STK3: variants seen among roughly 807,000 people sequenced by gnomAD.
STK3 encodes serine/threonine kinase 3.
Under a neutral mutation model 58.0 loss-of-function variants are expected in STK3, and 41 were observed. The ratio of observed to expected loss-of-function variants is 0.71; its 90% confidence interval spans 0.55 to 0.92. STK3 has a LOEUF of 0.92. Among genes scored for constraint, STK3 ranks in the 40% least tolerant of loss-of-function variants. The pLI is 0.00. For synonymous variants in STK3, 170 were observed against 191.0 expected (o/e 0.89, Z 0.91); for missense variants, 479 against 602.7 (o/e 0.79, Z 2.15).
chr8:98,693,348 T>C (rs539199716), intron 6 of STK3, among the ~76,000 whole-genome samples: 2 of 152,118 alleles, frequency 1.3e-5, no homozygotes, highest in Non-Finnish European at 2.9e-5. Context: ...CAATGAGCCA[T>C]GTTCACGCCA....
At chr8:98,585,693 G>A (rs932969134) in intron 7 of STK3, among the ~76,000 whole-genome samples, 1 of 151,774 alleles carries the variant, frequency 6.6e-6, no homozygotes, top group Non-Finnish European at 1.5e-5. Flanking sequence ...GGGCAGTATG[G>A]CCTTTTTCAC....
At chr8:98,776,225 A>G (rs1831667682) in intron 1 of STK3, among the ~76,000 whole-genome samples, 1 of 152,222 alleles carries the variant, frequency 6.6e-6, no homozygotes. Flanking sequence ...CTAAGTGTAA[A>G]CCTGCTGTGT....
chr8:98,735,067 C>G (rs1331280570), intron 4 of STK3, among the ~76,000 whole-genome samples: 3 of 152,046 alleles, frequency 2.0e-5, no homozygotes, highest in Non-Finnish European at 4.4e-5. Flanking sequence ...TGGTATATGA[C>G]CATATTTGTT....
chr8:98,934,512 A>G (rs189800686), intron 1 of STK3, among the ~76,000 whole-genome samples: 1 of 152,348 alleles, frequency 6.6e-6, no homozygotes. Context: ...AGGGGTTCCA[A>G]AGTAGAATCC....
At chr8:98,887,326 A>G (rs1395565358) in intron 1 of STK3, among the ~76,000 whole-genome samples, 1 of 152,212 alleles carries the variant, frequency 6.6e-6, no homozygotes, top group Non-Finnish European at 1.5e-5. Flanking sequence ...TTTGGAGTTC[A>G]GATTTTTTGA....
intron 6 of STK3, among the ~76,000 whole-genome samples, chr8:98,650,460 C>A (rs1025609192): frequency 6.6e-6 from 1 of 152,230 alleles, no homozygotes; most frequent in Admixed American, 6.5e-5. Flanking sequence ...ACCGGGTTCA[C>A]CTCACTAGGG....
Position 98,548,084 on chromosome 8 carries a change from C to T in STK3, c.1026G>A (p.Thr342=), listed in dbSNP as rs746197253. Residue 342 remains threonine, a synonymous_variant, in exon 9 of 11, where the codon ACG becomes ACA. Coordinates refer to ENST00000419617, the MANE Select transcript of STK3 (RefSeq NM_006281.4). ...TCATGGTCTGGGCCCCTTCACTCAT[C>T]GTGCTTGTGGCCCGCATGGTGCCCA... ...ESVGTMRATS[T]MSEGAQTMIE... is the part of the protein sequence containing the mutation. 2.2e-5 allele frequency: 36 copies of T among 1,609,164 alleles called. No homozygotes were observed. The highest frequency in any genetic ancestry group is 4.5e-5 in the East Asian group (2 of 44,530).
chr8:98,825,861 C>A (rs974042513), upstream of STK3, among the ~76,000 whole-genome samples: 3 of 71,480 alleles, frequency 4.2e-5, no homozygotes, highest in Admixed American at 1.4e-4. Context: ...CCCGGCCGCC[C>A]CGCCCCGCCC....
chr8:98,742,505 G>A (rs1829304021), intron 4 of STK3, among the ~76,000 whole-genome samples: 1 of 122,674 alleles, frequency 8.2e-6, no homozygotes, highest in Non-Finnish European at 1.7e-5. Context: ...AATAGATGCA[G>A]AAAAGGCCTT....
At chr8:98,597,273 C>G in intron 6 of STK3, 2 of 985,310 alleles carry the variant, frequency 2.0e-6, no homozygotes, top group Non-Finnish European at 2.4e-6. Context: ...AATGGACTTT[C>G]TGTGGACACA....
chr8:98,718,695 G>A (rs1827196692), intron 4 of STK3, among the ~76,000 whole-genome samples: 1 of 151,962 alleles, frequency 6.6e-6, no homozygotes, highest in South Asian at 2.1e-4. Context: ...TACATATTAT[G>A]TTATGATATT....
In STK3 at chr8:98,911,524, C is replaced by T. The variant is rs548359395; in HGVS notation, c.-78-27690G>A. ...TCTTGTGCCTCAGCCTCGCAAGTAG[C>T]TGGGTATTACAGGCACACGCCACCA... On this transcript the variant is annotated intron_variant, in intron 1 of 1. Coordinates refer to the STK3 transcript ENST00000519420. 2.6e-5 allele frequency among the ~76,000 whole-genome samples: 4 copies of T among 152,248 alleles called. No individual in the cohort carries two copies. The East Asian group carries it at 7.7e-4, about 29-fold the overall frequency.
At chr8:98,861,352 T>G in intron 3 of STK3, among the ~76,000 whole-genome samples, 1 of 138,042 alleles carries the variant, frequency 7.2e-6, no homozygotes, top group Admixed American at 7.1e-5. Context: ...GGATTTTTTT[T>G]TTTTTTTTTT....
chr8:98,589,682 C>T (rs536658285), intron 7 of STK3, among the ~76,000 whole-genome samples: 197 of 152,324 alleles, frequency 1.3e-3, no homozygotes, highest in South Asian at 2.5e-3. Flanking sequence ...CAATGGCGGG[C>T]GCCCCTCCCC....
upstream of STK3, among the ~76,000 whole-genome samples, chr8:98,389,805 AT>A (rs1817829375): frequency 6.6e-6 from 1 of 150,762 alleles, no homozygotes; most frequent in Non-Finnish European, 1.5e-5. Context: ...TTCTATTTGG[AT>A]TATGTGTTAG....
intron 6 of STK3, chr8:98,633,594 G>A (rs971206310): frequency 2.7e-6 from 2 of 744,958 alleles, no homozygotes; most frequent in African/African-American, 1.7e-5. Context: ...TCAGTCAGCA[G>A]TCTCAGTCCA....
chr8:98,569,442 C>T (rs1586886313), intron 8 of STK3, among the ~76,000 whole-genome samples: 2 of 151,148 alleles, frequency 1.3e-5, no homozygotes, highest in African/African-American at 2.4e-5. Flanking sequence ...GAATTAGTTC[C>T]GATTAGTAAA....
intron 1 of STK3, among the ~76,000 whole-genome samples, chr8:98,443,597 C>T (rs1012097249): frequency 1.3e-5 from 2 of 152,162 alleles, no homozygotes; most frequent in Non-Finnish European, 1.5e-5. Flanking sequence ...CCTCTATTCC[C>T]AGCACTTTGG....
chr8:98,845,031 T>C (rs1432992766), intron 3 of STK3, among the ~76,000 whole-genome samples: 5 of 152,218 alleles, frequency 3.3e-5, no homozygotes, highest in Admixed American at 2.0e-4. Context: ...TAGTTCCTTC[T>C]GGATCCCTGG....
Sources: allele counts gnomAD v4.1 joint callset (sites outside exome capture counted in the v4.1 genomes callset), GRCh38; gene constraint gnomAD v4.1.1; transcripts MANE v1.5; gene names NCBI Gene and HGNC (gene_info 2026-07-23, HGNC 2026-07-21).